The following MIGA2 variants were observed in gnomAD, a reference collection of about 807,000 sequenced individuals.
The protein encoded by MIGA2 is family with sequence similarity 73, member B.
MIGA2 carries 36 observed loss-of-function variants against 69.9 expected under a neutral mutation model. The observed-to-expected ratio is 0.52, with a 90% confidence interval of 0.39 to 0.68. The LOEUF (loss-of-function observed/expected upper bound fraction) is 0.68, where lower values mean the gene tolerates loss of function less well. Among genes scored for constraint, MIGA2 ranks in the 30% least tolerant of loss-of-function variants. The probability of loss-of-function intolerance (pLI) is 0.00; values close to 1 mark genes in which losing one functional copy is unlikely to be tolerated. For synonymous variants in MIGA2, 333 were observed against 349.2 expected, an observed-to-expected ratio of 0.95 and a Z score of 0.52; for missense variants, 660 against 787.7, an observed-to-expected ratio of 0.84 and a Z score of 1.94.
rs964215099 is a variant in MIGA2 at position 129,061,313 on chromosome 9, T to A, written c.977T>A (p.Val326Glu). 6.2e-7 allele frequency: 1 copy of A among 1,611,424 alleles called. No homozygotes were observed. The highest frequency in any genetic ancestry group is 1.3e-5 in the African/African-American group (1 of 74,524). The part of the protein sequence containing the change: ...AAAYEEALQL[V>E]KEGRVPCRTL... ...GCCTATGAGGAGGCCCTGCAGCTGG[T>A]GAAGGAGGGGAGAGTGCCTTGCCGG... is the stretch of plus-strand genomic sequence containing the variant. Residue 326 changes from valine to glutamate, a missense_variant, in exon 9 of 16, where the codon GTG (valine) becomes GAG (glutamate). This residue lies in a region of MIGA2 where 386 missense variants were observed against 402.0 expected (regional missense o/e 0.96). Transcript: ENST00000684074. This position sits in a 1 kb window ranked among gnomAD's most constrained non-coding sequence, Gnocchi z 5.0.
At chr9:129,051,877 G>A (rs1240332903) in intron 6 of MIGA2, among the ~76,000 whole-genome samples, 1 of 151,558 alleles carries the variant, frequency 6.6e-6, no homozygotes, top group Non-Finnish European at 1.5e-5. Flanking sequence ...CCAGGCTGGT[G>A]TCCAGTGGTG....
chr9:129,043,929 T>G (rs2131345377), intron 3 of MIGA2, among the ~76,000 whole-genome samples: 1 of 151,920 alleles, frequency 6.6e-6, no homozygotes, highest in Admixed American at 6.6e-5. Context: ...CTTGATCTCC[T>G]GAACTCGTGA....
At chr9:129,062,709 T>C (rs1204690471) in intron 9 of MIGA2, among the ~76,000 whole-genome samples, 1 of 151,708 alleles carries the variant, frequency 6.6e-6, no homozygotes, top group Non-Finnish European at 1.5e-5. Context: ...CCGGGCGTGG[T>C]GGTACGTGGC....
chr9:129,044,641 C>G (rs1300948991), intron 3 of MIGA2, among the ~76,000 whole-genome samples: 1 of 152,026 alleles, frequency 6.6e-6, no homozygotes, highest in Non-Finnish European at 1.5e-5. Flanking sequence ...CAACCTCCAC[C>G]CCCTGGGTTT....
At chr9:129,066,932 G>C (rs1223607577) in intron 11 of MIGA2, among the ~76,000 whole-genome samples, 2 of 111,826 alleles carry the variant, frequency 1.8e-5, no homozygotes, top group Non-Finnish European at 3.4e-5. Context: ...CTGCATTCCA[G>C]CCTGCCAATA....
chr9:129,042,500 C>A lies in MIGA2; in HGVS notation c.293C>A (p.Pro98His), dbSNP rs768383597. Residue 98 changes from proline (P) to histidine (H), a missense_variant, in exon 3 of 16, where the codon CCT becomes CAT. By Grantham distance (77) the Pro-to-His change is moderately conservative (BLOSUM62 -2). Around this residue, in one of 3 missense-constraint regions of MIGA2, gnomAD observed 386 missense variants for 402.0 expected, o/e 0.96. Coordinates refer to ENST00000684074, the MANE Select transcript of MIGA2 (RefSeq NM_001329990.2). ...CCTATCCTCTTGGCCAGGAAGGTCCCTTCAGTGAAGAAAGGTAGGTGTGAG... is the reference window on the plus strand; with the variant it reads ...CCTATCCTCTTGGCCAGGAAGGTCCATTCAGTGAAGAAAGGTAGGTGTGAG... ...PLPILLARKV[P>H]SVKKGYSSRR... 12 of 1,573,454 alleles carry A rather than the reference C, an allele frequency of 7.6e-6. No homozygotes were observed. The South Asian group carries it at 1.3e-4, about 17-fold the overall frequency.
At chr9:129,045,530 G>A (rs546908102) in intron 3 of MIGA2, among the ~76,000 whole-genome samples, 2 of 151,442 alleles carry the variant, frequency 1.3e-5, no homozygotes, top group African/African-American at 2.4e-5. Context: ...AAGCCAAGTC[G>A]GGAGAATTAT....
chr9:129,057,807 T>G (rs1845872894), intron 6 of MIGA2, among the ~76,000 whole-genome samples: 1 of 151,988 alleles, frequency 6.6e-6, no homozygotes. Context: ...GGTCTTTCCA[T>G]GTTGCCTAGG....
At chr9:129,048,278 C>T (rs567326684) in intron 3 of MIGA2, 149 bp from the exon 4 acceptor site, 39 of 672,046 alleles carry the variant, frequency 5.8e-5, no homozygotes, top group Middle Eastern at 4.2e-4. Flanking sequence ...CCTGAGTGCA[C>T]GCCCTTGGGG....
chr9:129,044,643 C>G (rs756903159), intron 3 of MIGA2, among the ~76,000 whole-genome samples: 3 of 151,794 alleles, frequency 2.0e-5, no homozygotes, highest in Non-Finnish European at 4.4e-5. Context: ...ACCTCCACCC[C>G]CTGGGTTTAA....
rs745722582 is a variant in MIGA2 at position 129,070,412 on chromosome 9, G to T, written c.1741G>T (p.Ala581Ser). ...GGCCAGCAGCGCAGGCGTGAATGGG[G>T]CGCTGCCCCGAGAGAATGGGCCCCT... ...PAASSAGVNG[A>S]LPRENGPLGE... Residue 581 changes from alanine to serine, a missense_variant, in exon 16 of 16, where the codon GCG becomes TCG. Transcript: ENST00000684074. 9 of 1,605,288 alleles carry T rather than the reference G, an allele frequency of 5.6e-6. No homozygotes were observed. The East Asian group carries it at 2.0e-4, about 36-fold the overall frequency.
At chr9:129,036,986 C>T in intron 1 of MIGA2, 1 of 1,002,870 alleles carries the variant, frequency 1.0e-6, no homozygotes, top group South Asian at 4.7e-5. Context: ...AGCAGGCGTG[C>T]GGGCCGTGAG....
intron 11 of MIGA2, among the ~76,000 whole-genome samples, chr9:129,064,241 C>G (rs976220768): frequency 5.3e-5 from 8 of 151,420 alleles, no homozygotes; most frequent in Admixed American, 2.6e-4. Context: ...GAGTCTCGCT[C>G]TCTCGCCCAG....
rs1225916699 is a variant in MIGA2, at chr9:129,042,435, T to G, written c.228T>G (p.Gly76=). 6.2e-7 allele frequency: 1 copy of G among 1,612,572 alleles called. No homozygotes were observed. The highest frequency in any genetic ancestry group is 1.7e-5 in the Admixed American group (1 of 59,866). ...GACGGAGGAGGAAGAAGCAGGTTGG[T>G]CCCGAGATGGGAGGGGAGCAGCTGG... ...KRRRRRKKQV[G]PEMGGEQLGT... The change falls in exon 3 of 16, where the codon GGT becomes GGG. Residue 76 remains glycine, a synonymous_variant. Transcript: ENST00000684074.
At position 129,061,616 on chromosome 9, in the gene MIGA2, A is replaced by G. The variant is rs933690252; in HGVS notation, c.1010+270A>G. Among the ~76,000 whole-genome samples the G allele has an allele frequency of 1.3e-5, 2 of 152,266 alleles. No homozygotes were observed. Among genetic ancestry groups the G allele is most frequent in the Non-Finnish European group, 2.9e-5 (2 of 68,048 alleles). ...TAGTTACTACCAGTTCTAAATTCTG[A>G]GAGAGTGTATGCTTCTACAGCACAT... On this transcript the variant is annotated intron_variant, in intron 9 of 15. Coordinates refer to ENST00000684074, the MANE Select transcript of MIGA2 (RefSeq NM_001329990.2). The surrounding 1 kb of genome is among the most constrained non-coding windows in gnomAD (Gnocchi z 5.0).
At chr9:129,045,638 G>A (rs1845179903) in intron 3 of MIGA2, among the ~76,000 whole-genome samples, 2 of 151,692 alleles carry the variant, frequency 1.3e-5, no homozygotes, top group South Asian at 2.1e-4. Flanking sequence ...AATTAGCTGA[G>A]TGTGGTGGCT....
At position 129,060,285 on chromosome 9, in the gene MIGA2, G is replaced by A. The variant is rs1252506294; in HGVS notation, c.794-265G>A. The stretch of plus-strand genomic sequence containing the variant: ...CGGTGCAACCTGTGAGCCTGGCAGA[G>A]CCGCTCACCAGCCGAGGGCTCACAC... On this transcript the variant is annotated intron_variant, in intron 7 of 15. Coordinates refer to ENST00000684074, the MANE Select transcript of MIGA2 (RefSeq NM_001329990.2). The surrounding 1 kb of genome is among the most constrained non-coding windows in gnomAD (Gnocchi z 4.8). Among the ~76,000 whole-genome samples, 1 of 152,216 alleles carries A rather than the reference G, an allele frequency of 6.6e-6. No individual in the cohort carries two copies. The highest frequency in any genetic ancestry group is 1.9e-4 in the East Asian group (1 of 5,192).
At position 129,049,354 on chromosome 9, in the gene MIGA2, TTTC is replaced by T. The variant is rs1845397904; in HGVS notation, c.421-21_421-19del. ...CAGAGAGCCCGGGAAAGCTTCACTC[TTTC>T]TTCTTGCACTGATTGGCGCCCAGAT... On this transcript the variant is annotated intron_variant, in intron 4 of 15. Coordinates refer to ENST00000684074, the MANE Select transcript of MIGA2 (RefSeq NM_001329990.2). 1.9e-6 allele frequency: 3 copies of T among 1,609,884 alleles called. No homozygotes were observed. In the Admixed American group the frequency reaches 5.0e-5, roughly 27 times the overall value.
Position 129,068,461 on chromosome 9 carries a change from A to T in MIGA2, c.1404+129A>T. The T allele has an allele frequency of 7.6e-7, 1 of 1,322,820 alleles. No homozygotes were observed. The highest frequency in any genetic ancestry group is 1.0e-6 in the Non-Finnish European group (1 of 969,716). 81.9% of individuals were successfully genotyped at this position (1,322,820 alleles called of 1,614,324 possible). On this transcript the variant is annotated intron_variant, in intron 13 of 15. Coordinates refer to ENST00000684074, the MANE Select transcript of MIGA2 (RefSeq NM_001329990.2). This position sits in a 1 kb window ranked among gnomAD's most constrained non-coding sequence, Gnocchi z 4.1. ...CCCACCCCCTAGATCCGCGGCTGCC[A>T]GGCCTGGGAGACCAGAGTCTGCCCT...
Sources: gnomAD v4.1 joint callset for allele counts (sites outside exome capture counted in the v4.1 genomes callset) on GRCh38, gnomAD v4.1.1 for gene constraint, gnomAD v4.1.1 regional missense constraint, Gnocchi (gnomAD v3.1) non-coding constraint, MANE v1.5 for transcripts, NCBI Gene and HGNC (gene_info 2026-07-23, HGNC 2026-07-21) for gene names.